MTUS1: variants seen among roughly 807,000 people sequenced by gnomAD.
MTUS1 encodes the protein microtubule-associated tumor suppressor 1.
A neutral mutation model predicts 120.8 loss-of-function variants in MTUS1; 109 were observed. That is an observed-to-expected ratio of 0.90 (90% CI 0.77 to 1.06). The LOEUF (loss-of-function observed/expected upper bound fraction) is 1.06. Ranked by LOEUF, MTUS1 falls within the 50% of genes least tolerant of loss-of-function variation. The pLI, the probability that MTUS1 is intolerant of heterozygous loss-of-function variation, is 0.00. For missense variants in MTUS1, 2,210 were observed against 1,486.3 expected (o/e 1.49, Z -8.01); for synonymous variants, 737 against 550.5 (o/e 1.34, Z -4.74).
At chr8:17,691,839 C>A (rs1217883943) in intron 6 of MTUS1, 1 of 152,164 alleles carries the variant, frequency 6.6e-6, no homozygotes, top group African/African-American at 2.4e-5. Flanking sequence ...TAATCCATAA[C>A]ACATCCATAA....
chr8:17,688,794 A>G (rs1816364121), intron 6 of MTUS1, among the ~76,000 whole-genome samples: 2 of 152,222 alleles, frequency 1.3e-5, no homozygotes, highest in Admixed American at 6.5e-5. Flanking sequence ...GTTAACAGTA[A>G]TAATTTAGGA....
In MTUS1 at chr8:17,760,058, T is replaced by C. The variant is rs1036331415; in HGVS notation, c.-154-4097A>G. ...ACCCTACCTCTACGATTTCTTTTCTTTTTTTTTTTTTTTTTAGCACGGTGG... is the reference window on the plus strand; with the variant it reads ...ACCCTACCTCTACGATTTCTTTTCTCTTTTTTTTTTTTTTTAGCACGGTGG... On this transcript the variant is annotated intron_variant, in intron 1 of 14. Coordinates refer to ENST00000693296, the MANE Select transcript of MTUS1 (RefSeq NM_001363059.2). Among the ~76,000 whole-genome samples, 12 of 110,600 alleles carry C rather than the reference T, an allele frequency of 1.1e-4. No homozygotes were observed. In the East Asian group the frequency reaches 1.4e-3, roughly 13 times the overall value. 72.6% of individuals were successfully genotyped at this position (110,600 alleles called of 152,430 possible). A position where few individuals can be genotyped will look rare whatever the true frequency, so the allele number is the denominator to read the frequency against.
intron 12 of MTUS1, among the ~76,000 whole-genome samples, chr8:17,652,308 T>C (rs574871809): frequency 9.2e-5 from 14 of 152,254 alleles, no homozygotes; most frequent in African/African-American, 3.4e-4. Flanking sequence ...TATTCATCCA[T>C]AAAAAGAAAT....
In MTUS1 at chr8:17,645,064, TAG is replaced by T. The variant is rs1373488293; in HGVS notation, c.*860_*861del. 2.0e-5 allele frequency: 3 copies of T among 151,386 alleles called. No individual in the cohort carries two copies. Among genetic ancestry groups the T allele is most frequent in the Non-Finnish European group, 3.0e-5 (2 of 67,508 alleles). 9.4% of individuals were successfully genotyped at this position (151,386 alleles called of 1,614,324 possible). ...CTTTTTCTTTCTTTACACAGTTAGT[TAG>T]TTAGTTTGTTTTTTTATAGAAAAAT... On this transcript the variant is annotated 3_prime_UTR_variant, in exon 15 of 15. Transcript: ENST00000693296.
intron 9 of MTUS1, 59 bp from the exon 10 acceptor site, chr8:17,654,725 A>G: frequency 8.4e-7 from 1 of 1,196,932 alleles, no homozygotes. Context: ...TAAGTTGAAT[A>G]CGCAAAGCAA....
At chr8:17,672,536 G>A (rs1812241943) in intron 8 of MTUS1, among the ~76,000 whole-genome samples, 1 of 152,142 alleles carries the variant, frequency 6.6e-6, no homozygotes, top group Non-Finnish European at 1.5e-5. Context: ...GTTTCATGCT[G>A]AAACTAACAA....
intron 3 of MTUS1, among the ~76,000 whole-genome samples, chr8:17,741,656 A>G (rs539515438): frequency 1.3e-5 from 2 of 152,328 alleles, no homozygotes; most frequent in East Asian, 3.9e-4. Flanking sequence ...CTGATCGCCT[A>G]CATAAAAGGA....
chr8:17,751,186 C>G (rs540711318), intron 2 of MTUS1, among the ~76,000 whole-genome samples: 1 of 152,170 alleles, frequency 6.6e-6, no homozygotes, highest in Admixed American at 6.5e-5. Context: ...GGCATGTGCA[C>G]CTGTAGTCCC....
chr8:17,722,523 C>T, intron 4 of MTUS1: 2 of 985,332 alleles, frequency 2.0e-6, no homozygotes, highest in South Asian at 4.7e-5. Context: ...AATTGCAAGT[C>T]ACATATCCCA....
rs577988976 is a variant in MTUS1 at position 17,728,861 on chromosome 8, T to C, written c.2288-5028A>G. On this transcript the variant is annotated intron_variant, in intron 3 of 14. Transcript: ENST00000693296. Reference sequence around the variant, plus strand: ...TGTGGTAGCAGTGTGCAGAACTGACTGAAGACTGAAATCAGGGAAAAAGAT... The same window carrying C: ...TGTGGTAGCAGTGTGCAGAACTGACCGAAGACTGAAATCAGGGAAAAAGAT... 5.0e-4 allele frequency among the ~76,000 whole-genome samples: 76 copies of C among 152,266 alleles called. 1 individual carries two copies. The highest frequency in any genetic ancestry group is 5.0e-3 in the Admixed American group (76 of 15,292).
intron 8 of MTUS1, among the ~76,000 whole-genome samples, chr8:17,672,615 C>A (rs982220752): frequency 1.3e-5 from 2 of 152,166 alleles, no homozygotes; most frequent in Admixed American, 1.3e-4. Flanking sequence ...GTTTCGCTTC[C>A]CTCCACTTAC....
chr8:17,732,633 C>G (rs892733065), intron 3 of MTUS1, among the ~76,000 whole-genome samples: 2 of 152,310 alleles, frequency 1.3e-5, no homozygotes, highest in African/African-American at 4.8e-5. Context: ...GTTTTCTACT[C>G]CACATGGCCT....
At chr8:17,674,634 T>C in intron 8 of MTUS1, 1 of 986,192 alleles carries the variant, frequency 1.0e-6, no homozygotes. Context: ...GGCTGGGTGG[T>C]AGGTGTTGAG....
At chr8:17,778,407 A>G (rs766204938) in intron 1 of MTUS1, among the ~76,000 whole-genome samples, 6 of 152,178 alleles carry the variant, frequency 3.9e-5, no homozygotes, top group Non-Finnish European at 8.8e-5. Context: ...ATGAAAATCT[A>G]TTTTGCTGAG....
intron 11 of MTUS1, 33 bp downstream of exon 11, chr8:17,653,392 G>A (rs746308627): frequency 3.9e-6 from 6 of 1,531,002 alleles, no homozygotes; most frequent in African/African-American, 1.4e-5. Context: ...ATTTTTTTTT[G>A]TGGGGGATAC....
chr8:17,742,749 T>C (rs2047435630), intron 3 of MTUS1, among the ~76,000 whole-genome samples: 1 of 152,184 alleles, frequency 6.6e-6, no homozygotes. Context: ...AACCTACAAA[T>C]ACTAAATTGT....
chr8:17,700,160 G>C (rs17125165), intron 6 of MTUS1, among the ~76,000 whole-genome samples: 79,533 of 151,896 alleles, frequency 0.52, 21,818 homozygotes, highest in Middle Eastern at 0.65. Flanking sequence ...AGTTGTAAAA[G>C]TTAGCTATGA....
intron 6 of MTUS1, among the ~76,000 whole-genome samples, chr8:17,712,756 C>T (rs1293978515): frequency 2.6e-5 from 4 of 151,594 alleles, no homozygotes; most frequent in Non-Finnish European, 5.9e-5. Context: ...TTTGGATTCT[C>T]AGCTGTGGTT....
intron 7 of MTUS1, 55 bp downstream of exon 7, chr8:17,684,273 C>T: frequency 2.3e-6 from 3 of 1,321,728 alleles, no homozygotes; most frequent in Middle Eastern, 2.1e-4. Flanking sequence ...GCAAGTCCTC[C>T]CCGTGCTCCC....
Sources: allele counts gnomAD v4.1 joint callset (sites outside exome capture counted in the v4.1 genomes callset), GRCh38; gene constraint gnomAD v4.1.1; transcripts MANE v1.5; gene names NCBI Gene and HGNC (gene_info 2026-07-23, HGNC 2026-07-21).